The following MYO1B variants were observed in gnomAD, a reference collection of about 807,000 sequenced individuals.
The protein encoded by MYO1B is unconventional myosin-Ib.
Under a neutral mutation model 159.7 loss-of-function variants are expected in MYO1B, and 72 were observed. The ratio of observed to expected loss-of-function variants is 0.45; its 90% CI spans 0.37 to 0.55. The LOEUF (loss-of-function observed/expected upper bound fraction) is 0.55, where lower values mean the gene tolerates loss of function less well. MYO1B is among the 20% of genes least tolerant of loss of function. MYO1B has a pLI of 0.00. For missense variants in MYO1B, 1,062 were observed against 1,364.8 expected (o/e 0.78, Z 3.50); for synonymous variants, 468 against 473.8 (o/e 0.99, Z 0.16).
In MYO1B at chr2:191,413,896, T is replaced by C. The variant is rs138715272; in HGVS notation, c.2874-152T>C. On this transcript the variant is annotated intron_variant, in intron 27 of 30. Coordinates refer to ENST00000392318, the MANE Select transcript of MYO1B (RefSeq NM_001130158.3). ...TAAGGTTTCATTTCCAACTTATATT[T>C]AGGACAGATGTAAGTGTAATATATA... is the stretch of plus-strand genomic sequence containing the variant. The C allele has an allele frequency of 9.6e-4, 691 of 723,478 alleles. 7 individuals are homozygous for C. In the South Asian group the frequency reaches 0.011, roughly 12 times the overall value. 44.8% of individuals were successfully genotyped at this position (723,478 alleles called of 1,614,324 possible).
intron 2 of MYO1B, among the ~76,000 whole-genome samples, chr2:191,281,607 T>C (rs540898782): frequency 1.4e-4 from 22 of 152,150 alleles, no homozygotes; most frequent in Non-Finnish European, 1.5e-4. Flanking sequence ...ATGTGGACTT[T>C]TATTGTGATG....
intron 30 of MYO1B, among the ~76,000 whole-genome samples, chr2:191,417,939 G>T (rs933455988): frequency 6.6e-6 from 1 of 152,210 alleles, no homozygotes; most frequent in African/African-American, 2.4e-5. Context: ...CTTCTGGGCA[G>T]CAAGGGCCCT....
intron 13 of MYO1B, among the ~76,000 whole-genome samples, chr2:191,379,952 G>A (rs936761368): frequency 1.3e-5 from 2 of 152,164 alleles, no homozygotes; most frequent in Admixed American, 6.6e-5. Context: ...ACTGAGGAGT[G>A]CCCTTTGTAT....
chr2:191,387,200 T>C (rs771066767), intron 16 of MYO1B, 24 bp from the exon 17 acceptor site: 21 of 1,597,864 alleles, frequency 1.3e-5, no homozygotes, highest in Admixed American at 3.4e-5. Flanking sequence ...GTGCCTGTCA[T>C]TGAGTTACAT....
chr2:191,375,015 T>C (rs1365642234), intron 13 of MYO1B, among the ~76,000 whole-genome samples: 4 of 152,260 alleles, frequency 2.6e-5, no homozygotes, highest in African/African-American at 7.2e-5. Context: ...GCAGATATTT[T>C]ACTGGGAAAA....
At chr2:191,292,915 T>C (rs1312188336) in intron 2 of MYO1B, among the ~76,000 whole-genome samples, 1 of 152,224 alleles carries the variant, frequency 6.6e-6, no homozygotes, top group Admixed American at 6.5e-5. Flanking sequence ...TCTGCTAGTC[T>C]CACCTGGAAT....
intron 1 of MYO1B, among the ~76,000 whole-genome samples, chr2:191,251,866 A>G (rs1686141489): frequency 6.6e-6 from 1 of 152,212 alleles, no homozygotes; most frequent in Admixed American, 6.5e-5. Flanking sequence ...TACACAAAGA[A>G]TCTTAATTGC....
chr2:191,350,369 G>A (rs1692833294), intron 7 of MYO1B, 144 bp downstream of exon 7: 1 of 535,590 alleles, frequency 1.9e-6, no homozygotes, highest in African/African-American at 1.9e-5. Flanking sequence ...TTGCATTTCA[G>A]ATTGTTTTAT....
chr2:191,353,425 T>C (rs1693048456), intron 7 of MYO1B, among the ~76,000 whole-genome samples: 2 of 152,188 alleles, frequency 1.3e-5, no homozygotes, highest in Non-Finnish European at 2.9e-5. Context: ...GATTCTGTCT[T>C]CTAGAAGAAG....
At position 191,350,240 on chromosome 2, in the gene MYO1B, T is replaced by G. The variant is rs59642822; in HGVS notation, c.562+15T>G. On this transcript the variant is annotated intron_variant, in intron 7 of 30. Transcript: ENST00000392318. Reference sequence around the variant, plus strand: ...AATAAGTAACTGTGAGTATTTTTCTTCAGTCCTTGTAAAGAAGTTCAGAAT... The same window carrying G: ...AATAAGTAACTGTGAGTATTTTTCTGCAGTCCTTGTAAAGAAGTTCAGAAT... 11 of 1,598,786 alleles carry G rather than the reference T, an allele frequency of 6.9e-6. No individual in the cohort carries two copies. Among genetic ancestry groups the G allele is most frequent in the Middle Eastern group, 1.7e-4 (1 of 6,048 alleles).
chr2:191,416,974 A>G (rs956020620), intron 30 of MYO1B, among the ~76,000 whole-genome samples: 1 of 152,224 alleles, frequency 6.6e-6, no homozygotes, highest in Admixed American at 6.5e-5. Context: ...GTATCTATCT[A>G]TGTAAGTGTT....
Position 191,383,519 on chromosome 2 carries a change from C to G in MYO1B, c.1353+177C>G, listed in dbSNP as rs1483770457. Among the ~76,000 whole-genome samples the G allele has an allele frequency of 2.0e-4, 23 of 114,364 alleles. 1 individual carries two copies. Among genetic ancestry groups the G allele is most frequent in the African/African-American group, 8.5e-4 (22 of 25,828 alleles). The allele number at this position is 114,364 out of a possible 152,430, so 75.0% of individuals were successfully genotyped here. The stretch of plus-strand genomic sequence containing the variant: ...GTATATATATATATATACACGTACA[C>G]ACACACACACACACACACACACACA... On this transcript the variant is annotated intron_variant, in intron 15 of 30. Coordinates refer to ENST00000392318, the MANE Select transcript of MYO1B (RefSeq NM_001130158.3).
intron 4 of MYO1B, among the ~76,000 whole-genome samples, chr2:191,334,767 G>A (rs184418846): frequency 1.3e-5 from 2 of 152,154 alleles, no homozygotes; most frequent in Admixed American, 1.3e-4. Flanking sequence ...CAACAGAGAC[G>A]CTAGAGCATT....
chr2:191,317,604 ATC>A (rs1299654814), intron 3 of MYO1B, among the ~76,000 whole-genome samples: 3 of 152,174 alleles, frequency 2.0e-5, no homozygotes, highest in African/African-American at 7.2e-5. Flanking sequence ...CGTTAGGTAT[ATC>A]TCCTAATGCT....
chr2:191,314,103 ATAATT>A (rs1273857209), intron 3 of MYO1B, among the ~76,000 whole-genome samples: 2 of 152,260 alleles, frequency 1.3e-5, no homozygotes, highest in Admixed American at 6.5e-5. Flanking sequence ...GTTCAGTAGT[ATAATT>A]TAGAATGAAA....
At chr2:191,419,583 C>T (rs1411369945) in intron 30 of MYO1B, among the ~76,000 whole-genome samples, 2 of 152,074 alleles carry the variant, frequency 1.3e-5, no homozygotes, top group Non-Finnish European at 1.5e-5. Flanking sequence ...AATAGTAAAA[C>T]AGCCTCGGGC....
intron 17 of MYO1B, chr2:191,387,891 A>G (rs561141895): frequency 4.8e-6 from 1 of 207,310 alleles, no homozygotes; most frequent in South Asian, 8.7e-5. Flanking sequence ...GGCACTTCTT[A>G]GGAGACATGC....
intron 30 of MYO1B, among the ~76,000 whole-genome samples, chr2:191,420,323 C>G (rs189385928): frequency 2.0e-5 from 3 of 152,108 alleles, no homozygotes; most frequent in African/African-American, 7.2e-5. Context: ...TAAAGTATAC[C>G]GTAATGTAAT....
intron 29 of MYO1B, among the ~76,000 whole-genome samples, chr2:191,415,052 GT>G (rs1697476256): frequency 6.6e-6 from 1 of 152,172 alleles, no homozygotes; most frequent in African/African-American, 2.4e-5. Flanking sequence ...AATTTTTAGT[GT>G]TCTGTGCCTT....
Sources: allele counts gnomAD v4.1 joint callset (sites outside exome capture counted in the v4.1 genomes callset), GRCh38; gene constraint gnomAD v4.1.1; transcripts MANE v1.5; gene names NCBI Gene and HGNC (gene_info 2026-07-23, HGNC 2026-07-21).